Variants in PTPN13 observed in about 807,000 individuals in gnomAD.
PTPN13 encodes protein tyrosine phosphatase non-receptor type 13.
Under a neutral mutation model 284.0 loss-of-function variants are expected in PTPN13, and 191 were observed. That is an observed-to-expected ratio of 0.67 (90% confidence interval 0.60 to 0.76). PTPN13 has a LOEUF of 0.76. PTPN13 is among the 30% of genes least tolerant of loss of function. PTPN13 has a pLI of 0.00. For synonymous variants in PTPN13, 986 were observed against 1,022.3 expected, an observed-to-expected ratio of 0.96 and a Z score of 0.68; for missense variants, 2,797 against 2,939.9, an observed-to-expected ratio of 0.95 and a Z score of 1.12.
At chr4:86,764,151 T>A (rs1313607832) in intron 24 of PTPN13, among the ~76,000 whole-genome samples, 2 of 152,170 alleles carry the variant, frequency 1.3e-5, no homozygotes, top group African/African-American at 2.4e-5. Context: ...AAGCTACTGC[T>A]TGATATATAT....
At chr4:86,788,448 A>G (rs1578674651) in intron 40 of PTPN13, among the ~76,000 whole-genome samples, 1 of 152,312 alleles carries the variant, frequency 6.6e-6, no homozygotes, top group East Asian at 1.9e-4. Context: ...TGTAACTTTG[A>G]AAGTTTTATC....
In PTPN13 at chr4:86,735,650, G is replaced by A; in HGVS notation, c.2208G>A (p.Glu736=). The change falls in exon 15 of 48, where the codon GAG becomes GAA. Residue 736 remains glutamate, a synonymous_variant. Transcript: ENST00000411767. ...MEHYLPARVM[E]KLDLSYIKEE... is the part of the protein sequence containing the mutation. Reference sequence around the variant, plus strand: ...ACTATTTGCCCGCCAGAGTGATGGAGAAACTTGATTTATCCTATATCAAAG... The same window carrying A: ...ACTATTTGCCCGCCAGAGTGATGGAAAAACTTGATTTATCCTATATCAAAG... 3 of 1,613,504 alleles carry A rather than the reference G, an allele frequency of 1.9e-6. No homozygotes were observed. The highest frequency in any genetic ancestry group is 2.5e-6 in the Non-Finnish European group (3 of 1,179,582).
rs1049761876 is a variant in PTPN13, at chr4:86,744,847, T to G, written c.2488-119T>G. 7.8e-6 allele frequency: 6 copies of G among 764,976 alleles called. No individual in the cohort carries two copies. The African/African-American group carries it at 8.8e-5, about 11-fold the overall frequency. 47.4% of individuals were successfully genotyped at this position (764,976 alleles called of 1,614,324 possible). A position where few individuals can be genotyped will look rare whatever the true frequency, so the allele number is the denominator to read the frequency against. ...GGAACATGTCTTTATTGTTAAGTGA[T>G]GCATGACTATATAGGATTATATTCA... On this transcript the variant is annotated intron_variant, in intron 16 of 47. Coordinates refer to ENST00000411767, the MANE Select transcript of PTPN13 (RefSeq NM_080683.3).
intron 2 of PTPN13, among the ~76,000 whole-genome samples, chr4:86,654,074 G>T (rs1725445000): frequency 6.6e-6 from 1 of 152,124 alleles, no homozygotes; most frequent in East Asian, 1.9e-4. Flanking sequence ...AAGCAGGAAA[G>T]ATCTAAAATT....
chr4:86,700,714 A>C (rs1406674922), intron 6 of PTPN13, among the ~76,000 whole-genome samples: 1 of 152,208 alleles, frequency 6.6e-6, no homozygotes, highest in Non-Finnish European at 1.5e-5. Flanking sequence ...TAAAATCTTG[A>C]TACTTAAGAA....
intron 7 of PTPN13, among the ~76,000 whole-genome samples, chr4:86,708,977 T>G (rs1732071894): frequency 6.6e-6 from 1 of 151,916 alleles, no homozygotes; most frequent in Non-Finnish European, 1.5e-5. Context: ...ACTCCCTTCT[T>G]TCTTACTCTC....
At chr4:86,744,466 G>T (rs1459586912) in intron 16 of PTPN13, among the ~76,000 whole-genome samples, 1 of 152,062 alleles carries the variant, frequency 6.6e-6, no homozygotes, top group Non-Finnish European at 1.5e-5. Flanking sequence ...CTAGATTTAG[G>T]CTACAATTTC....
chr4:86,718,911 C>A (rs1204870398), intron 9 of PTPN13, among the ~76,000 whole-genome samples: 1 of 152,006 alleles, frequency 6.6e-6, no homozygotes, highest in Non-Finnish European at 1.5e-5. Flanking sequence ...CTTGTGATGA[C>A]CCCATTTTGA....
Position 86,686,359 on chromosome 4 carries a change from A to C in PTPN13, c.295-351A>C, listed in dbSNP as rs115402257. ...GACAGAGCCAGACTCTGCCTCAAAA[A>C]AAAAAAGCAAGGTGCCTAGTAATTT... On this transcript the variant is annotated intron_variant, in intron 3 of 47. Coordinates refer to ENST00000411767, the MANE Select transcript of PTPN13 (RefSeq NM_080683.3). 6.2e-3 allele frequency among the ~76,000 whole-genome samples: 939 copies of C among 152,092 alleles called. 13 individuals are homozygous for C. The highest frequency in any genetic ancestry group is 0.021 in the African/African-American group (879 of 41,496).
chr4:86,812,739 G>C (rs1325032655), intron 47 of PTPN13, among the ~76,000 whole-genome samples: 1 of 152,070 alleles, frequency 6.6e-6, no homozygotes, highest in Admixed American at 6.6e-5. Flanking sequence ...AGAAGGAAGA[G>C]TGAAGGAGGA....
At chr4:86,781,784 G>T (rs1741328989) in intron 36 of PTPN13, among the ~76,000 whole-genome samples, 1 of 151,996 alleles carries the variant, frequency 6.6e-6, no homozygotes, top group Non-Finnish European at 1.5e-5. Flanking sequence ...CCAACATGGT[G>T]AAACCCCGTC....
intron 2 of PTPN13, among the ~76,000 whole-genome samples, chr4:86,637,661 G>T (rs1407793404): frequency 1.3e-5 from 2 of 150,122 alleles, no homozygotes; most frequent in African/African-American, 4.9e-5. Context: ...AATAAATTAG[G>T]TATTGATGGG....
At chr4:86,714,981 A>G (rs1732852121) in intron 7 of PTPN13, among the ~76,000 whole-genome samples, 2 of 152,174 alleles carry the variant, frequency 1.3e-5, no homozygotes, top group Admixed American at 6.5e-5. Flanking sequence ...AAGCTTTTAG[A>G]TAGAGGCTTC....
intron 3 of PTPN13, among the ~76,000 whole-genome samples, chr4:86,683,371 A>G (rs1448862237): frequency 6.6e-6 from 1 of 152,160 alleles, no homozygotes; most frequent in Non-Finnish European, 1.5e-5. Context: ...CAGGCTTAAG[A>G]CCCAAGAAGG....
At chr4:86,668,761 AATTTTTTTTTTTTTTT>A (rs2148879873) in intron 2 of PTPN13, among the ~76,000 whole-genome samples, 2 of 129,312 alleles carry the variant, frequency 1.5e-5, no homozygotes, top group African/African-American at 5.9e-5. Flanking sequence ...ACGCCCAGCT[AATTTTTTTTTTTTTTT>A]TTTTTTTTTA....
At chr4:86,748,411 C>T (rs1737018561) in intron 17 of PTPN13, among the ~76,000 whole-genome samples, 1 of 152,114 alleles carries the variant, frequency 6.6e-6, no homozygotes, top group South Asian at 2.1e-4. Context: ...GAGTAGGCTA[C>T]AAATGGATTT....
intron 31 of PTPN13, among the ~76,000 whole-genome samples, chr4:86,771,883 G>A (rs921300350): frequency 1.3e-5 from 2 of 152,168 alleles, no homozygotes; most frequent in Non-Finnish European, 2.9e-5. Flanking sequence ...AAATATAGAG[G>A]GGAGATAAGG....
At position 86,758,313 on chromosome 4, in the gene PTPN13, T is replaced by G; in HGVS notation, c.3277T>G (p.Leu1093Val). ...IVSSPEREIT[L>V]VNLKKDAKYG... ...ATCTTCACCAGAAAGGGAGATCACCTTAGTGAACCTGAAAAAAGATGCAAA... is the reference window on the plus strand; with the variant it reads ...ATCTTCACCAGAAAGGGAGATCACCGTAGTGAACCTGAAAAAAGATGCAAA... Residue 1093 changes from leucine to valine, a missense_variant, in exon 21 of 48, where the codon TTA becomes GTA. Coordinates refer to ENST00000411767, the MANE Select transcript of PTPN13 (RefSeq NM_080683.3). 6.2e-7 allele frequency: 1 copy of G among 1,612,048 alleles called. No individual in the cohort carries two copies. The highest frequency in any genetic ancestry group is 2.2e-5 in the East Asian group (1 of 44,836).
chr4:86,646,561 G>A (rs1196570478), intron 2 of PTPN13, among the ~76,000 whole-genome samples: 1 of 152,184 alleles, frequency 6.6e-6, no homozygotes, highest in Non-Finnish European at 1.5e-5. Flanking sequence ...GCCTCCCAAA[G>A]TGCTGGGATG....
Sources: gnomAD v4.1 joint callset for allele counts (sites outside exome capture counted in the v4.1 genomes callset) on GRCh38, gnomAD v4.1.1 for gene constraint, MANE v1.5 for transcripts, NCBI Gene and HGNC (gene_info 2026-07-23, HGNC 2026-07-21) for gene names.